The following ASIC2 variants were observed in gnomAD, a reference collection of about 807,000 sequenced individuals.
ASIC2 encodes the protein acid-sensing ion channel 2.
Under a neutral mutation model 57.3 loss-of-function variants are expected in ASIC2, and 25 were observed. That is an observed-to-expected ratio of 0.44 (90% CI 0.32 to 0.61). The LOEUF is 0.61. Ranked by LOEUF, ASIC2 falls within the 20% of genes least tolerant of loss-of-function variation. The pLI is 0.06. For synonymous variants in ASIC2, 319 were observed against 307.5 expected, an observed-to-expected ratio of 1.04 and a Z score of -0.39; for missense variants, 641 against 738.1, an observed-to-expected ratio of 0.87 and a Z score of 1.52.
intron 1 of ASIC2, among the ~76,000 whole-genome samples, chr17:33,378,763 T>C (rs1348592644): frequency 6.6e-6 from 1 of 152,246 alleles, no homozygotes; most frequent in East Asian, 1.9e-4. Context: ...TACTTAACTG[T>C]GGCTGTGCCA....
At chr17:33,025,851 A>G in intron 5 of ASIC2, 75 bp downstream of exon 5, 1 of 1,422,468 alleles carries the variant, frequency 7.0e-7, no homozygotes, top group Non-Finnish European at 9.5e-7. Flanking sequence ...ATCTTTCCCC[A>G]AACCCAGATG....
intron 1 of ASIC2, among the ~76,000 whole-genome samples, chr17:34,109,647 GCTAT>G (rs1398498648): frequency 1.3e-5 from 2 of 152,140 alleles, no homozygotes; most frequent in African/African-American, 4.8e-5. Flanking sequence ...CACCACATGT[GCTAT>G]CTGACAGCTT....
At chr17:33,239,825 A>G (rs1394724381) in intron 1 of ASIC2, among the ~76,000 whole-genome samples, 2 of 152,086 alleles carry the variant, frequency 1.3e-5, no homozygotes, top group African/African-American at 4.8e-5. Context: ...CTCCCTCCAT[A>G]AGTTTTCTTC....
At chr17:33,105,030 C>T (rs2092229697) in intron 2 of ASIC2, among the ~76,000 whole-genome samples, 1 of 152,166 alleles carries the variant, frequency 6.6e-6, no homozygotes, top group Non-Finnish European at 1.5e-5. Flanking sequence ...CATTGTGTTT[C>T]CTCTCAACAA....
At chr17:33,660,144 G>A (rs1236041174) in intron 1 of ASIC2, among the ~76,000 whole-genome samples, 2 of 151,962 alleles carry the variant, frequency 1.3e-5, no homozygotes, top group African/African-American at 2.4e-5. Context: ...ATTGGATCTC[G>A]CAGGACTAGA....
intron 1 of ASIC2, among the ~76,000 whole-genome samples, chr17:33,504,561 AACTCCTG>A (rs1428071517): frequency 6.6e-6 from 1 of 152,152 alleles, no homozygotes; most frequent in Admixed American, 6.5e-5. Context: ...ACTGTTCTTG[AACTCCTG>A]ACCTCAGGTG....
chr17:33,576,445 C>T (rs1239305574), intron 1 of ASIC2, among the ~76,000 whole-genome samples: 4 of 152,208 alleles, frequency 2.6e-5, no homozygotes, highest in Non-Finnish European at 4.4e-5. Flanking sequence ...TCCCTCCTGG[C>T]CAAGGTCTGC....
chr17:33,860,010 C>T (rs1246640836), intron 1 of ASIC2, among the ~76,000 whole-genome samples: 2 of 152,116 alleles, frequency 1.3e-5, no homozygotes, highest in East Asian at 3.9e-4. Flanking sequence ...ATATATTTCT[C>T]ACATAGCATC....
chr17:33,503,995 G>A (rs955983810), intron 1 of ASIC2, among the ~76,000 whole-genome samples: 1 of 152,244 alleles, frequency 6.6e-6, no homozygotes, highest in African/African-American at 2.4e-5. Flanking sequence ...AGGAAATGCA[G>A]CTGGAGCTGG....
chr17:34,061,994 A>G (rs1203869054), intron 1 of ASIC2, among the ~76,000 whole-genome samples: 1 of 152,176 alleles, frequency 6.6e-6, no homozygotes, highest in Non-Finnish European at 1.5e-5. Flanking sequence ...CAAGGAAACA[A>G]TGGATTTAAA....
intron 1 of ASIC2, among the ~76,000 whole-genome samples, chr17:33,992,304 G>A (rs781259525): frequency 4.6e-5 from 7 of 152,284 alleles, no homozygotes; most frequent in Non-Finnish European, 7.4e-5. Context: ...GTCAGATGCT[G>A]ACTGGCTGTC....
chr17:33,218,858 T>G (rs1907595636), intron 1 of ASIC2, among the ~76,000 whole-genome samples: 1 of 151,806 alleles, frequency 6.6e-6, no homozygotes, highest in South Asian at 2.1e-4. Flanking sequence ...GGGGACACAG[T>G]GATAACAGGG....
At chr17:33,370,363 A>T (rs1235997030) in intron 1 of ASIC2, among the ~76,000 whole-genome samples, 1 of 152,258 alleles carries the variant, frequency 6.6e-6, no homozygotes, top group African/African-American at 2.4e-5. Context: ...GCAGCTGGGC[A>T]TGCAGACCAT....
intron 1 of ASIC2, among the ~76,000 whole-genome samples, chr17:33,314,735 G>C (rs548750158): frequency 6.6e-4 from 101 of 152,292 alleles, no homozygotes; most frequent in African/African-American, 2.3e-3. Context: ...TCACTCTGTG[G>C]TTCTTAAGAA....
At chr17:33,394,047 G>A (rs1267266580) in intron 1 of ASIC2, among the ~76,000 whole-genome samples, 3 of 152,142 alleles carry the variant, frequency 2.0e-5, no homozygotes, top group East Asian at 1.9e-4. Context: ...AGTGAAACAC[G>A]CATAAAGAGT....
intron 3 of ASIC2, among the ~76,000 whole-genome samples, chr17:33,047,757 CCA>C (rs1200651961): frequency 1.3e-5 from 2 of 152,166 alleles, no homozygotes; most frequent in South Asian, 4.1e-4. Context: ...AGTGCTCTAG[CCA>C]GCATTGGTTT....
At chr17:33,942,834 G>A (rs1916221735) in intron 1 of ASIC2, among the ~76,000 whole-genome samples, 1 of 152,196 alleles carries the variant, frequency 6.6e-6, no homozygotes, top group Non-Finnish European at 1.5e-5. Flanking sequence ...TGTGCTCTGT[G>A]TCACAGGACT....
intron 1 of ASIC2, among the ~76,000 whole-genome samples, chr17:34,016,356 G>A (rs186126816): frequency 1.3e-3 from 193 of 148,478 alleles, no homozygotes; most frequent in African/African-American, 4.6e-3. Flanking sequence ...CCCGGGAGGC[G>A]GAGCTTGCAG....
chr17:33,117,096 A>G (rs1448528258), intron 1 of ASIC2, among the ~76,000 whole-genome samples: 1 of 151,980 alleles, frequency 6.6e-6, no homozygotes, highest in Non-Finnish European at 1.5e-5. Context: ...TCAAGCAATC[A>G]TCCCACCTTG....
Sources: allele counts gnomAD v4.1 joint callset (sites outside exome capture counted in the v4.1 genomes callset), GRCh38; gene constraint gnomAD v4.1.1; transcripts MANE v1.5; gene names NCBI Gene and HGNC (gene_info 2026-07-23, HGNC 2026-07-21).